The following OTC variants were observed in gnomAD, a reference collection of about 807,000 sequenced individuals.
The protein encoded by OTC is ornithine transcarbamylase, mitochondrial.
Under a neutral mutation model 30.3 loss-of-function variants are expected in OTC, and 3 were observed. The observed-to-expected ratio is 0.10, with a 90% CI of 0.05 to 0.26. The LOEUF is 0.26. OTC is among the 10% of genes least tolerant of loss of function. OTC has a pLI of 1.00. For missense variants in OTC, 194 were observed against 260.3 expected, an observed-to-expected ratio of 0.75 and a Z score of 1.75; for synonymous variants, 111 against 99.7, an observed-to-expected ratio of 1.11 and a Z score of -0.67.
At chrX:38,374,070 A>C (rs764680067) in intron 3 of OTC, among the ~76,000 whole-genome samples, 1 of 111,505 alleles carries the variant, frequency 9.0e-6, no homozygotes, top group East Asian at 2.8e-4. Context: ...AGGCTGAGGC[A>C]GGAGAATGGC....
the OTC span, among the ~76,000 whole-genome samples, chrX:38,344,240 TACACACACACAC>T: frequency 4.9e-5 from 3 of 61,715 alleles, no homozygotes; most frequent in Non-Finnish European, 1.3e-4. Flanking sequence ...TATATATATA[TACACACACACAC>T]ACACACACAC....
At chrX:38,357,408 G>A (rs1023491982) in intron 1 of OTC, among the ~76,000 whole-genome samples, 9 of 112,881 alleles carry the variant, frequency 8.0e-5, no homozygotes, top group Non-Finnish European at 1.7e-4. Flanking sequence ...TTGCATTAAT[G>A]CAAGGTTAAA....
chrX:38,358,918 G>A (rs1264391833), intron 1 of OTC, among the ~76,000 whole-genome samples: 1 of 110,445 alleles, frequency 9.1e-6, no homozygotes, highest in East Asian at 2.8e-4. Flanking sequence ...CACCGCACCC[G>A]GCCAGCTGTG....
intron 4 of OTC, among the ~76,000 whole-genome samples, chrX:38,387,513 T>G (rs1436541377): frequency 1.8e-5 from 2 of 111,511 alleles, no homozygotes; most frequent in African/African-American, 6.5e-5. Flanking sequence ...TGAGTTGCAT[T>G]TTGTATAATC....
intron 1 of OTC, among the ~76,000 whole-genome samples, chrX:38,366,530 TTAA>T (rs1353803609): frequency 2.9e-4 from 32 of 111,962 alleles, no homozygotes; most frequent in Admixed American, 1.3e-3. Flanking sequence ...CCCAATGATT[TTAA>T]TAATAATAGC....
the OTC span, among the ~76,000 whole-genome samples, chrX:38,334,357 C>T: frequency 7.3e-3 from 818 of 112,266 alleles, 22 homozygotes; most frequent in East Asian, 0.072. Flanking sequence ...TCTACTGCTT[C>T]TTGAAAGAGC....
the OTC span, among the ~76,000 whole-genome samples, chrX:38,345,129 G>A: frequency 1.3e-4 from 14 of 111,448 alleles, no homozygotes; most frequent in Non-Finnish European, 2.3e-4. Context: ...TTGAGCCCAG[G>A]AGGTCAAGGT....
chrX:38,376,744 G>A (rs760544174), intron 3 of OTC, among the ~76,000 whole-genome samples: 4 of 111,934 alleles, frequency 3.6e-5, no homozygotes, highest in Non-Finnish European at 7.5e-5. Flanking sequence ...AAAAGACAAG[G>A]CCATTATGTA....
intron 4 of OTC, among the ~76,000 whole-genome samples, chrX:38,394,846 AC>A (rs1488261080): frequency 9.0e-6 from 1 of 110,540 alleles, no homozygotes; most frequent in African/African-American, 3.3e-5. Context: ...GGACTTGGGC[AC>A]AATGTACATA....
intron 1 of OTC, among the ~76,000 whole-genome samples, chrX:38,365,067 T>C (rs1301455543): frequency 8.9e-6 from 1 of 112,674 alleles, no homozygotes; most frequent in African/African-American, 3.2e-5. Context: ...TATAAGCTTA[T>C]CACCATTGCA....
intron 4 of OTC, among the ~76,000 whole-genome samples, chrX:38,390,738 T>C (rs1406220022): frequency 8.9e-6 from 1 of 112,226 alleles, no homozygotes; most frequent in Non-Finnish European, 1.9e-5. Context: ...AGCACCAGGA[T>C]TGCTGTATGA....
intron 4 of OTC, among the ~76,000 whole-genome samples, chrX:38,389,575 T>G (rs2068420900): frequency 8.9e-6 from 1 of 111,850 alleles, no homozygotes; most frequent in Non-Finnish European, 1.9e-5. Context: ...AATATGATAC[T>G]TCCATGAATC....
rs754974144 is a variant in OTC at position 38,408,786 on chromosome X, T to C, written c.708T>C (p.Tyr236=). Residue 236 remains tyrosine, a synonymous_variant, in exon 7 of 10, where the codon TAT becomes TAC. Transcript: ENST00000039007. ...DASVTKLAEQ[Y]AKENGTKLLL... ...GTGTAACCAAGTTGGCAGAGCAGTATGCCAAAGAGGTATGCTCTTTACATG... is the reference window on the plus strand; with the variant it reads ...GTGTAACCAAGTTGGCAGAGCAGTACGCCAAAGAGGTATGCTCTTTACATG... 3 of 1,203,295 alleles carry C rather than the reference T, an allele frequency of 2.5e-6. No homozygotes were observed. The highest frequency in any genetic ancestry group is 2.2e-6 in the Non-Finnish European group (2 of 888,975).
intron 4 of OTC, 49 bp from the exon 5 acceptor site, chrX:38,401,226 A>G (rs368240058): frequency 7.2e-5 from 70 of 966,161 alleles, no homozygotes; most frequent in Non-Finnish European, 9.6e-5. Context: ...TAAATAAGGC[A>G]TTATTAAGCA....
At chrX:38,408,847 T>C (rs1236802450) in intron 7 of OTC, 29 bp from the exon 8 acceptor site, 1 of 1,210,457 alleles carries the variant, frequency 8.3e-7, no homozygotes, top group East Asian at 3.0e-5. Context: ...CCCATGAAGT[T>C]ATTTAACCAG....
At chrX:38,376,902 G>A (rs1460003672) in intron 3 of OTC, among the ~76,000 whole-genome samples, 1 of 111,909 alleles carries the variant, frequency 8.9e-6, no homozygotes, top group Admixed American at 9.5e-5. Context: ...GGACTTCAAC[G>A]CTCCACCTTC....
chrX:38,364,651 G>A (rs1001091817), intron 1 of OTC, among the ~76,000 whole-genome samples: 1 of 110,138 alleles, frequency 9.1e-6, no homozygotes, highest in Non-Finnish European at 1.9e-5. Flanking sequence ...AATTAGCCAG[G>A]TGTGGTGGCA....
At chrX:38,333,153 T>A in the OTC span, among the ~76,000 whole-genome samples, 1 of 100,070 alleles carries the variant, frequency 1.0e-5, no homozygotes, top group Non-Finnish European at 2.0e-5. Flanking sequence ...AGGCGGAGGT[T>A]GGAGTGAGCC....
chrX:38,334,648 A>C, the OTC span, among the ~76,000 whole-genome samples: 2 of 112,641 alleles, frequency 1.8e-5, no homozygotes, highest in South Asian at 7.3e-4. Flanking sequence ...TATATTGTGT[A>C]TATTGTAAAG....
Sources: gnomAD v4.1 joint callset for allele counts (sites outside exome capture counted in the v4.1 genomes callset) on GRCh38, gnomAD v4.1.1 for gene constraint, MANE v1.5 for transcripts, NCBI Gene and HGNC (gene_info 2026-07-23, HGNC 2026-07-21) for gene names.